Variants in EYS observed in about 807,000 individuals in gnomAD.
The protein encoded by EYS is protein eyes shut homolog.
EYS carries 250 observed loss-of-function variants against 282.1 expected under a neutral mutation model. The ratio of observed to expected loss-of-function variants is 0.89; its 90% confidence interval spans 0.80 to 0.98. EYS has a LOEUF of 0.98. EYS is among the 50% of genes least tolerant of loss of function. The pLI is 0.00. For missense variants in EYS, 4,016 were observed against 3,709.0 expected (o/e 1.08, Z -2.15); for synonymous variants, 1,355 against 1,282.9 (o/e 1.06, Z -1.20).
intron 26 of EYS, among the ~76,000 whole-genome samples, chr6:64,574,220 G>C (rs2149819575): frequency 6.6e-6 from 1 of 152,198 alleles, no homozygotes; most frequent in South Asian, 2.1e-4. Flanking sequence ...AGTGGGAGTT[G>C]AACAATGGGA....
rs1417000599 is a variant in EYS at position 65,234,983 on chromosome 6, T to C, written c.2023+60880A>G. Among the ~76,000 whole-genome samples the C allele has an allele frequency of 2.0e-5, 3 of 152,172 alleles. No individual in the cohort carries two copies. The East Asian group carries it at 5.8e-4, about 29-fold the overall frequency. On this transcript the variant is annotated intron_variant, in intron 12 of 42. Transcript: ENST00000503581. Reference sequence around the variant, plus strand: ...GAATTTGGAGCATGATGTGTTAAAATAACTAAAGGAGTTCAGTATGGCTAA... The same window carrying C: ...GAATTTGGAGCATGATGTGTTAAAACAACTAAAGGAGTTCAGTATGGCTAA...
At chr6:63,860,345 C>A (rs1772503028) in intron 36 of EYS, among the ~76,000 whole-genome samples, 1 of 152,168 alleles carries the variant, frequency 6.6e-6, no homozygotes, top group Non-Finnish European at 1.5e-5. Context: ...CTTTCTATAA[C>A]CTCCAGCTTT....
At chr6:65,063,234 T>C (rs1773631568) in intron 12 of EYS, among the ~76,000 whole-genome samples, 1 of 152,050 alleles carries the variant, frequency 6.6e-6, no homozygotes, top group Non-Finnish European at 1.5e-5. Flanking sequence ...TTATTAAATC[T>C]GGTTATTATT....
intron 31 of EYS, among the ~76,000 whole-genome samples, chr6:64,202,139 C>A (rs1765474192): frequency 6.6e-6 from 1 of 152,156 alleles, no homozygotes; most frequent in Non-Finnish European, 1.5e-5. Flanking sequence ...CTGCTATAAC[C>A]TTAGGAGTCT....
At chr6:65,471,833 G>A (rs1418605346) in intron 5 of EYS, among the ~76,000 whole-genome samples, 1 of 151,582 alleles carries the variant, frequency 6.6e-6, no homozygotes, top group African/African-American at 2.4e-5. Context: ...AGATAACATG[G>A]TATTGTCATG....
chr6:64,461,059 A>G (rs1775727869), intron 26 of EYS, among the ~76,000 whole-genome samples: 1 of 152,192 alleles, frequency 6.6e-6, no homozygotes, highest in African/African-American at 2.4e-5. Flanking sequence ...GCAGTCCTTA[A>G]TATGACTCCT....
chr6:64,965,603 A>G (rs945927142), intron 14 of EYS, among the ~76,000 whole-genome samples: 5 of 152,058 alleles, frequency 3.3e-5, no homozygotes, highest in African/African-American at 4.8e-5. Flanking sequence ...CTAACTCATG[A>G]GTACCCCCAT....
chr6:64,931,648 A>C (rs913694800), intron 15 of EYS, among the ~76,000 whole-genome samples: 3 of 152,136 alleles, frequency 2.0e-5, no homozygotes, highest in African/African-American at 4.8e-5. Flanking sequence ...TCAATGTTTT[A>C]AATAATAAAA....
Position 64,085,332 on chromosome 6 carries a change from G to A in EYS, c.6425-3330C>T, listed in dbSNP as rs1363540812. On this transcript the variant is annotated intron_variant, in intron 31 of 42. Coordinates refer to ENST00000503581, the MANE Select transcript of EYS (RefSeq NM_001142800.2). Reference sequence around the variant, plus strand: ...CTTCCAGACGCGCGCGCGTGCGCACGTGCGCGCGCACACACACACACACAC... The same window carrying A: ...CTTCCAGACGCGCGCGCGTGCGCACATGCGCGCGCACACACACACACACAC... Among the ~76,000 whole-genome samples the A allele has an allele frequency of 9.4e-4, 68 of 72,110 alleles. 1 individual carries two copies. The highest frequency in any genetic ancestry group is 3.9e-3 in the African/African-American group (59 of 14,970). The allele number at this position is 72,110 out of a possible 152,430, so 47.3% of individuals were successfully genotyped here. A position where few individuals can be genotyped will look rare whatever the true frequency, so the allele number is the denominator to read the frequency against.
intron 26 of EYS, among the ~76,000 whole-genome samples, chr6:64,466,634 G>C (rs1775928772): frequency 6.6e-6 from 1 of 152,078 alleles, no homozygotes; most frequent in African/African-American, 2.4e-5. Context: ...AGGATATACA[G>C]TGTCAATTAG....
At chr6:64,545,628 T>C (rs1243501433) in intron 26 of EYS, among the ~76,000 whole-genome samples, 2 of 152,184 alleles carry the variant, frequency 1.3e-5, no homozygotes, top group African/African-American at 4.8e-5. Context: ...AACCCCATCG[T>C]CTCAGCCCAA....
At chr6:65,267,286 C>G (rs1767782926) in intron 12 of EYS, among the ~76,000 whole-genome samples, 2 of 151,784 alleles carry the variant, frequency 1.3e-5, no homozygotes, top group African/African-American at 2.4e-5. Context: ...ATTTTCTAGA[C>G]TGTAATAACG....
At chr6:64,190,602 T>C (rs1765073360) in intron 31 of EYS, among the ~76,000 whole-genome samples, 1 of 152,192 alleles carries the variant, frequency 6.6e-6, no homozygotes, top group Non-Finnish European at 1.5e-5. Context: ...ACTTCATAAA[T>C]GGGAATTAAA....
At chr6:65,573,365 G>A (rs1764547390) in intron 2 of EYS, among the ~76,000 whole-genome samples, 1 of 152,108 alleles carries the variant, frequency 6.6e-6, no homozygotes, top group Non-Finnish European at 1.5e-5. Flanking sequence ...AACCACTGTG[G>A]TCTCCACAAG....
intron 33 of EYS, among the ~76,000 whole-genome samples, chr6:64,057,396 A>ATTTT (rs755108636): frequency 0.019 from 2,850 of 149,870 alleles, 72 homozygotes; most frequent in African/African-American, 0.055. Flanking sequence ...TTTTTTTTTA[A>ATTTT]AAATAGAATG....
At position 64,307,084 on chromosome 6, in the gene EYS, TGAGAGAGAGAGA is replaced by T. The variant is rs35395170; in HGVS notation, c.6079-14_6079-3del. 2.3e-6 allele frequency: 2 copies of T among 880,386 alleles called. No homozygotes were observed. The highest frequency in any genetic ancestry group is 3.6e-6 in the Non-Finnish European group (2 of 557,970). 54.5% of individuals were successfully genotyped at this position (880,386 alleles called of 1,614,324 possible). A position where few individuals can be genotyped will look rare whatever the true frequency, so the allele number is the denominator to read the frequency against. ...AAAATTCTTGACTGGTACAGGCATC[TGAGAGAGAGAGA>T]GAGAGAGAGAAGTAGAGATAATTTA... On this transcript the variant is annotated splice_region_variant and splice_polypyrimidine_tract_variant and intron_variant, in intron 29 of 42. Transcript: ENST00000503581.
At chr6:64,920,109 A>G (rs187843229) in intron 15 of EYS, among the ~76,000 whole-genome samples, 64 of 152,202 alleles carry the variant, frequency 4.2e-4, no homozygotes, top group Admixed American at 1.3e-3. Flanking sequence ...CATAATACAG[A>G]AACCATGAGA....
chr6:65,532,439 T>C (rs1462017455), intron 2 of EYS, among the ~76,000 whole-genome samples: 2 of 152,200 alleles, frequency 1.3e-5, no homozygotes, highest in East Asian at 3.9e-4. Context: ...TAATTATGTC[T>C]AATTCTTCTT....
intron 2 of EYS, among the ~76,000 whole-genome samples, chr6:65,553,972 A>G (rs897958989): frequency 5.9e-5 from 9 of 152,186 alleles, no homozygotes; most frequent in African/African-American, 2.2e-4. Context: ...CCAACTACCC[A>G]TGTGACATTA....
Sources: allele counts gnomAD v4.1 joint callset (sites outside exome capture counted in the v4.1 genomes callset), GRCh38; gene constraint gnomAD v4.1.1; transcripts MANE v1.5; gene names NCBI Gene and HGNC (gene_info 2026-07-23, HGNC 2026-07-21).